Variants in MFSD8 observed in about 807,000 individuals in gnomAD.
MFSD8 encodes the protein major facilitator superfamily domain containing 8.
Under a neutral mutation model 66.4 loss-of-function variants are expected in MFSD8, and 55 were observed. The observed-to-expected ratio is 0.83, with a 90% CI of 0.67 to 1.04. The LOEUF (loss-of-function observed/expected upper bound fraction) is 1.04, where lower values mean the gene tolerates loss of function less well. MFSD8 is among the 50% of genes least tolerant of loss of function. The probability of loss-of-function intolerance (pLI) is 0.00; values close to 1 mark genes in which losing one functional copy is unlikely to be tolerated. For synonymous variants in MFSD8, 202 were observed against 212.8 expected (o/e 0.95, Z 0.44); for missense variants, 550 against 627.6 (o/e 0.88, Z 1.32).
At position 127,933,949 on chromosome 4, in the gene MFSD8, G is replaced by A. The variant is rs112391340; in HGVS notation, c.755-856C>T. ...GCTCATACATGTAATCCCAGCAGGT[G>A]GGATTACATGTGGTTTACATGTGGA... On this transcript the variant is annotated intron_variant, in intron 7 of 11. Transcript: ENST00000641686. 9.5e-4 allele frequency among the ~76,000 whole-genome samples: 144 copies of A among 152,242 alleles called. 2 individuals carry two copies. The highest frequency in any genetic ancestry group is 3.2e-3 in the African/African-American group (132 of 41,542).
intron 9 of MFSD8, among the ~76,000 whole-genome samples, chr4:127,924,794 A>T (rs1388511723): frequency 6.6e-6 from 1 of 152,222 alleles, no homozygotes; most frequent in Non-Finnish European, 1.5e-5. Flanking sequence ...GACAATCCTA[A>T]GCAAAAAGAA....
intron 2 of MFSD8, among the ~76,000 whole-genome samples, chr4:127,955,256 A>G (rs528392832): frequency 3.2e-4 from 49 of 152,260 alleles, no homozygotes; most frequent in African/African-American, 1.1e-3. Context: ...ATAAATGGCT[A>G]AACAAAATGT....
At chr4:127,963,009 G>A (rs1246376761) in intron 1 of MFSD8, among the ~76,000 whole-genome samples, 1 of 152,160 alleles carries the variant, frequency 6.6e-6, no homozygotes, top group Non-Finnish European at 1.5e-5. Context: ...TAATTATTAT[G>A]TATATTTCAA....
chr4:127,957,147 A>C (rs1743022917), intron 2 of MFSD8, among the ~76,000 whole-genome samples: 1 of 152,196 alleles, frequency 6.6e-6, no homozygotes, highest in African/African-American at 2.4e-5. Context: ...TGAGTGAAAT[A>C]ATCTCATCAC....
chr4:127,956,818 C>CAAAA (rs550327079), intron 2 of MFSD8, among the ~76,000 whole-genome samples: 3 of 58,058 alleles, frequency 5.2e-5, no homozygotes, highest in Admixed American at 3.5e-4. Flanking sequence ...AACTCCGTCT[C>CAAAA]AAAAAAAAAA....
chr4:127,931,495 C>T (rs1346245861), intron 8 of MFSD8, among the ~76,000 whole-genome samples: 3 of 152,026 alleles, frequency 2.0e-5, no homozygotes, highest in Non-Finnish European at 4.4e-5. Context: ...GTAGCTGGGA[C>T]TAAAGGCGCC....
At chr4:127,926,570 T>C (rs1737244057) in intron 9 of MFSD8, among the ~76,000 whole-genome samples, 3 of 152,086 alleles carry the variant, frequency 2.0e-5, no homozygotes. Context: ...TTGGACATTC[T>C]ATAAGAATGT....
rs1736195687 is a variant in MFSD8 at position 127,920,549 on chromosome 4, T to C, written c.*81A>G. The C allele has an allele frequency of 7.3e-7, 1 of 1,375,016 alleles. No homozygotes were observed. Among genetic ancestry groups the C allele is most frequent in the South Asian group, 1.2e-5 (1 of 85,968 alleles). The allele number at this position is 1,375,016 out of a possible 1,614,324, so 85.2% of individuals were successfully genotyped here. On this transcript the variant is annotated 3_prime_UTR_variant, in exon 12 of 12. Coordinates refer to ENST00000641686, the MANE Select transcript of MFSD8 (RefSeq NM_001371596.2). ...TATCTGTAGTCTGATTCTTGGAGAC[T>C]GGCTCACCGCAATTGTCTAGCAGAG...
chr4:127,938,588 AAAAAAAAT>A (rs1163299435), intron 7 of MFSD8, among the ~76,000 whole-genome samples, 187 bp downstream of exon 7: 46 of 136,788 alleles, frequency 3.4e-4, no homozygotes, highest in African/African-American at 1.1e-3. Context: ...GTCTCAAAAA[AAAAAAAAT>A]AAATAAATAA....
intron 1 of MFSD8, among the ~76,000 whole-genome samples, chr4:127,961,470 T>G (rs1246171703): frequency 6.6e-6 from 1 of 151,894 alleles, no homozygotes; most frequent in East Asian, 1.9e-4. Flanking sequence ...TAAACATAAC[T>G]CAGGGATCCT....
chr4:127,964,561 G>A lies in MFSD8; in HGVS notation c.62+511C>T, dbSNP rs139371378. On this transcript the variant is annotated intron_variant, in intron 1 of 11. Coordinates refer to ENST00000641686, the MANE Select transcript of MFSD8 (RefSeq NM_001371596.2). ...GGGCCCGCCAAGCCCACGCCCACTC[G>A]GAACTCCAGCTGGCCCGCAAGCGCG... 4.5e-3 allele frequency: 790 copies of A among 177,476 alleles called. 8 individuals carry two copies. The highest frequency in any genetic ancestry group is 0.018 in the African/African-American group (759 of 41,720). 11.0% of individuals were successfully genotyped at this position (177,476 alleles called of 1,614,324 possible).
intron 1 of MFSD8, among the ~76,000 whole-genome samples, chr4:127,957,871 A>C (rs1172151344): frequency 6.6e-6 from 1 of 152,222 alleles, no homozygotes; most frequent in African/African-American, 2.4e-5. Context: ...TGACATGCAC[A>C]GATTTATTAA....
At position 127,920,795 on chromosome 4, in the gene MFSD8, G is replaced by A. The variant is rs1299638243; in HGVS notation, c.1392C>T (p.Ala464=). 4 of 1,613,910 alleles carry A rather than the reference G, an allele frequency of 2.5e-6. No individual in the cohort carries two copies. In the African/African-American group the frequency reaches 5.3e-5, roughly 22 times the overall value. The change falls in exon 12 of 12, where the codon GCC becomes GCT. Residue 464 remains alanine, a synonymous_variant. Coordinates refer to ENST00000641686, the MANE Select transcript of MFSD8 (RefSeq NM_001371596.2). ...TGATGAACATAGGCCCAAGAATCCG[G>A]GCTCCACTTCCAGATGCTGTTAACC... ...MGWLTASGSG[A]RILGPMFISQ...
At chr4:127,932,176 T>C (rs1023275203) in intron 8 of MFSD8, 2 of 152,124 alleles carry the variant, frequency 1.3e-5, no homozygotes, top group Admixed American at 6.6e-5. Context: ...CAATAAAAAA[T>C]TGCCCCTAAA....
chr4:127,951,374 C>A (rs192007752), intron 2 of MFSD8, among the ~76,000 whole-genome samples: 33 of 152,228 alleles, frequency 2.2e-4, no homozygotes, highest in Admixed American at 7.2e-4. Context: ...GGATTACAGG[C>A]TCCTGCCACC....
chr4:127,926,907 ATC>A (rs1273936700), intron 9 of MFSD8, among the ~76,000 whole-genome samples: 8 of 152,224 alleles, frequency 5.3e-5, no homozygotes, highest in Non-Finnish European at 1.2e-4. Context: ...CAGACTAGTG[ATC>A]TGTGGTATGA....
chr4:127,963,556 G>A (rs1369373302), intron 1 of MFSD8, among the ~76,000 whole-genome samples: 2 of 152,134 alleles, frequency 1.3e-5, no homozygotes, highest in African/African-American at 2.4e-5. Flanking sequence ...TGGCTCAAGA[G>A]CGAAGCTGCA....
Position 127,932,740 on chromosome 4 carries a change from G to A in MFSD8, c.863+245C>T, listed in dbSNP as rs182349074. On this transcript the variant is annotated intron_variant, in intron 8 of 11. Transcript: ENST00000641686. Reference sequence around the variant, plus strand: ...TATTTATCATAAAACTCAGATGAAAGAGGGAAAGAGTAGTGAAACAGATTC... The same window carrying A: ...TATTTATCATAAAACTCAGATGAAAAAGGGAAAGAGTAGTGAAACAGATTC... 3.9e-5 allele frequency: 14 copies of A among 357,718 alleles called. No homozygotes were observed. The East Asian group carries it at 8.1e-4, about 21-fold the overall frequency. 22.2% of individuals were successfully genotyped at this position (357,718 alleles called of 1,614,324 possible).
intron 9 of MFSD8, among the ~76,000 whole-genome samples, chr4:127,927,134 A>G (rs1737334665): frequency 2.0e-5 from 3 of 152,138 alleles, no homozygotes; most frequent in African/African-American, 4.8e-5. Flanking sequence ...AAAGTAGGCT[A>G]AGCTAAGCTA....
Sources: allele counts gnomAD v4.1 joint callset (sites outside exome capture counted in the v4.1 genomes callset), GRCh38; gene constraint gnomAD v4.1.1; transcripts MANE v1.5; gene names NCBI Gene and HGNC (gene_info 2026-07-23, HGNC 2026-07-21).